TMEM74: variants seen among roughly 807,000 people sequenced by gnomAD.
The protein encoded by TMEM74 is transmembrane protein 74.
Under a neutral mutation model 18.1 loss-of-function variants are expected in TMEM74, and 13 were observed. That is an observed-to-expected ratio of 0.72 (90% confidence interval 0.47 to 1.14). The LOEUF is 1.14. Among genes scored for constraint, TMEM74 ranks in the 50% most tolerant of loss-of-function variants. The probability of loss-of-function intolerance (pLI) is 0.00; values close to 1 mark genes in which losing one functional copy is unlikely to be tolerated. For synonymous variants in TMEM74, 159 were observed against 146.6 expected, an observed-to-expected ratio of 1.08 and a Z score of -0.61; for missense variants, 372 against 375.9, an observed-to-expected ratio of 0.99 and a Z score of 0.09.
At chr8:108,681,498 C>T (rs1408990774) in intron 1 of TMEM74, among the ~76,000 whole-genome samples, 1 of 152,194 alleles carries the variant, frequency 6.6e-6, no homozygotes, top group African/African-American at 2.4e-5. Flanking sequence ...CTTCCTTACA[C>T]CTTATACAAA....
intron 1 of TMEM74, among the ~76,000 whole-genome samples, chr8:108,667,877 G>T (rs570391138): frequency 7.9e-5 from 12 of 151,966 alleles, no homozygotes; most frequent in African/African-American, 2.4e-4. Context: ...GAAATTGAAC[G>T]CCTAGTACCT....
chr8:108,664,088 T>C (rs935869097), intron 1 of TMEM74, among the ~76,000 whole-genome samples: 2 of 152,140 alleles, frequency 1.3e-5, no homozygotes, highest in South Asian at 4.1e-4. Context: ...AAACTGCACA[T>C]CCTGCACATG....
intron 1 of TMEM74, among the ~76,000 whole-genome samples, chr8:108,655,933 A>G (rs1027458103): frequency 5.3e-5 from 8 of 152,174 alleles, no homozygotes; most frequent in Non-Finnish European, 1.0e-4. Context: ...ATTTTGGAAA[A>G]GATATTTCTA....
At position 108,728,160 on chromosome 8, in the gene TMEM74, C is replaced by A. The variant is rs190661491; in HGVS notation, n.119+59316G>T. Among the ~76,000 whole-genome samples the A allele has an allele frequency of 9.6e-4, 146 of 152,124 alleles. No homozygotes were observed. In the Middle Eastern group the frequency reaches 0.017, roughly 18 times the overall value. On this transcript the variant is annotated intron_variant and non_coding_transcript_variant, in intron 1 of 3. Transcript: ENST00000518838. ...TTAAGGAGTTTTGCTGCAAATGGGG[C>A]TTTTTTAAAAAGTGGGAGAAAAGTG...
At chr8:108,764,807 C>T (rs370694543) in intron 1 of TMEM74, among the ~76,000 whole-genome samples, 1 of 152,120 alleles carries the variant, frequency 6.6e-6, no homozygotes, top group Non-Finnish European at 1.5e-5. Context: ...GCTAAAAATG[C>T]TTGTATCTGG....
At chr8:108,695,431 T>C (rs753843478) in intron 1 of TMEM74, among the ~76,000 whole-genome samples, 7 of 152,218 alleles carry the variant, frequency 4.6e-5, no homozygotes, top group Non-Finnish European at 8.8e-5. Context: ...GGACCTTATA[T>C]AGACCAGAAA....
chr8:108,702,858 A>G (rs1813351076), intron 1 of TMEM74, among the ~76,000 whole-genome samples: 1 of 151,476 alleles, frequency 6.6e-6, no homozygotes. Context: ...CTGTGAATCT[A>G]AAACTATTCT....
chr8:108,682,287 C>T (rs564111423), intron 1 of TMEM74, among the ~76,000 whole-genome samples: 4 of 152,206 alleles, frequency 2.6e-5, no homozygotes, highest in African/African-American at 9.6e-5. Context: ...TTCACCCCCA[C>T]TATGCTGCCT....
intron 2 of TMEM74, chr8:108,652,999 T>TC: frequency 4.6e-6 from 1 of 219,160 alleles, no homozygotes; most frequent in Non-Finnish European, 9.3e-6. Context: ...AGCCTTGTGT[T>TC]CCCGACTCCT....
chr8:108,728,755 C>CT (rs1189187339), intron 1 of TMEM74, among the ~76,000 whole-genome samples: 2 of 152,126 alleles, frequency 1.3e-5, no homozygotes, highest in Non-Finnish European at 1.5e-5. Context: ...TCAGTGTAAC[C>CT]TATATTGATG....
intron 1 of TMEM74, among the ~76,000 whole-genome samples, chr8:108,746,513 C>A (rs1271269597): frequency 3.3e-5 from 5 of 151,954 alleles, no homozygotes; most frequent in Non-Finnish European, 5.9e-5. Context: ...TTTATTTATG[C>A]CTGTGATATT....
At chr8:108,724,070 GTCT>G (rs2130633536) in intron 1 of TMEM74, among the ~76,000 whole-genome samples, 1 of 152,206 alleles carries the variant, frequency 6.6e-6, no homozygotes, top group African/African-American at 2.4e-5. Flanking sequence ...TACTTTCGAG[GTCT>G]TCATTATTTG....
At chr8:108,692,750 C>T (rs1467328771) in intron 1 of TMEM74, among the ~76,000 whole-genome samples, 1 of 152,184 alleles carries the variant, frequency 6.6e-6, no homozygotes, top group Non-Finnish European at 1.5e-5. Context: ...CATGCTTGAT[C>T]TTTTCCAGCA....
intron 1 of TMEM74, among the ~76,000 whole-genome samples, chr8:108,671,235 C>T (rs902998724): frequency 2.6e-5 from 4 of 152,128 alleles, no homozygotes; most frequent in Non-Finnish European, 1.5e-5. Flanking sequence ...TTATAAGGCA[C>T]CTCCAATTTG....
At chr8:108,653,688 A>G (rs1011953134) in intron 2 of TMEM74, among the ~76,000 whole-genome samples, 6 of 152,158 alleles carry the variant, frequency 3.9e-5, no homozygotes, top group African/African-American at 1.4e-4. Flanking sequence ...TTATCATTAT[A>G]TAAGAAAAAA....
intron 1 of TMEM74, among the ~76,000 whole-genome samples, chr8:108,746,181 A>G (rs1359125142): frequency 1.3e-5 from 2 of 152,132 alleles, no homozygotes; most frequent in Admixed American, 1.3e-4. Context: ...CAACATTTCA[A>G]TGTTGTCCCA....
intron 2 of TMEM74, among the ~76,000 whole-genome samples, chr8:108,614,146 T>C (rs925596806): frequency 5.3e-5 from 8 of 151,968 alleles, no homozygotes; most frequent in African/African-American, 1.9e-4. Context: ...TGCAATGTTA[T>C]AGACTGTCAG....
intron 1 of TMEM74, among the ~76,000 whole-genome samples, chr8:108,768,065 A>G (rs1814130351): frequency 6.6e-6 from 1 of 152,184 alleles, no homozygotes; most frequent in Admixed American, 6.6e-5. Flanking sequence ...GCTTTATATC[A>G]TAAATAAGCC....
downstream of TMEM74, among the ~76,000 whole-genome samples, chr8:108,776,627 C>A (rs1405374236): frequency 2.6e-5 from 4 of 152,126 alleles, no homozygotes; most frequent in East Asian, 7.7e-4. Flanking sequence ...AGACTGTTTT[C>A]CAAATTGTTT....
Sources: allele counts gnomAD v4.1 joint callset (sites outside exome capture counted in the v4.1 genomes callset), GRCh38; gene constraint gnomAD v4.1.1; transcripts MANE v1.5; gene names NCBI Gene and HGNC (gene_info 2026-07-23, HGNC 2026-07-21).